The following PRKG1 variants were observed in gnomAD, a reference collection of about 807,000 sequenced individuals.
PRKG1 encodes the protein cGMP-dependent protein kinase 1.
Under a neutral mutation model 88.1 loss-of-function variants are expected in PRKG1, and 35 were observed. That is an observed-to-expected ratio of 0.40 (90% confidence interval 0.30 to 0.53). PRKG1 has a LOEUF of 0.53. Ranked by LOEUF, PRKG1 falls within the 20% of genes least tolerant of loss-of-function variation. The pLI, the probability that PRKG1 is intolerant of heterozygous loss-of-function variation, is 0.59. For synonymous variants in PRKG1, 303 were observed against 292.5 expected, an observed-to-expected ratio of 1.04 and a Z score of -0.37; for missense variants, 540 against 839.8, an observed-to-expected ratio of 0.64 and a Z score of 4.41.
chr10:52,014,036 T>C (rs1290292425), intron 5 of PRKG1, among the ~76,000 whole-genome samples: 1 of 152,068 alleles, frequency 6.6e-6, no homozygotes, highest in Non-Finnish European at 1.5e-5. Context: ...CCAGATAGAA[T>C]ACTCTGAAAT....
intron 2 of PRKG1, among the ~76,000 whole-genome samples, chr10:51,435,425 CAT>C (rs56689011): frequency 0.78 from 112,270 of 144,144 alleles, 43,226 homozygotes; most frequent in East Asian, 0.89. Context: ...ACATTACTGA[CAT>C]ATATATATAT....
chr10:51,858,421 A>ATATAATATATATATT (rs1554849497), intron 4 of PRKG1, among the ~76,000 whole-genome samples: 8 of 48,292 alleles, frequency 1.7e-4, no homozygotes, highest in South Asian at 7.1e-4. Flanking sequence ...ATATATATAT[A>ATATAATATATATATT]ATATATATAT....
intron 9 of PRKG1, among the ~76,000 whole-genome samples, chr10:52,244,849 TA>T (rs1840977911): frequency 6.4e-5 from 2 of 31,056 alleles, no homozygotes; most frequent in Non-Finnish European, 2.7e-4. Flanking sequence ...TATATTTAAA[TA>T]TTTTTATATA....
chr10:51,038,074 G>T (rs1023007619), intron 1 of PRKG1, among the ~76,000 whole-genome samples: 3 of 152,192 alleles, frequency 2.0e-5, no homozygotes, highest in African/African-American at 7.2e-5. Context: ...TTAGGAAATT[G>T]CCAGCTGACA....
At chr10:51,694,050 GTTC>G (rs1387462942) in intron 3 of PRKG1, among the ~76,000 whole-genome samples, 1 of 152,016 alleles carries the variant, frequency 6.6e-6, no homozygotes, top group East Asian at 1.9e-4. Flanking sequence ...ATATGAATTA[GTTC>G]TTAACCAGAG....
chr10:51,152,520 T>C (rs1846098428), intron 1 of PRKG1, among the ~76,000 whole-genome samples: 1 of 152,056 alleles, frequency 6.6e-6, no homozygotes, highest in Non-Finnish European at 1.5e-5. Flanking sequence ...GAAGGTAACA[T>C]TATATTCACC....
intron 3 of PRKG1, among the ~76,000 whole-genome samples, chr10:51,802,505 C>T (rs1316694572): frequency 6.6e-6 from 1 of 152,060 alleles, no homozygotes; most frequent in African/African-American, 2.4e-5. Context: ...TTTTGATGGG[C>T]ATCAGATGCT....
intron 2 of PRKG1, among the ~76,000 whole-genome samples, chr10:51,462,485 G>A (rs1055067243): frequency 2.0e-5 from 3 of 152,102 alleles, no homozygotes; most frequent in African/African-American, 7.2e-5. Context: ...GATAAACACA[G>A]AAGTAGATAT....
At chr10:51,922,014 AT>A (rs1277161005) in intron 5 of PRKG1, among the ~76,000 whole-genome samples, 2 of 151,850 alleles carry the variant, frequency 1.3e-5, no homozygotes, top group Non-Finnish European at 2.9e-5. Flanking sequence ...ATTTGGTAGA[AT>A]TTACCTGTGA....
chr10:51,781,433 C>A (rs967466797), intron 3 of PRKG1, among the ~76,000 whole-genome samples: 4 of 152,128 alleles, frequency 2.6e-5, no homozygotes, highest in Non-Finnish European at 5.9e-5. Flanking sequence ...TAGGCCTCTA[C>A]AGTTATCCCA....
rs116628881 is a variant in PRKG1, at chr10:52,113,694, T to A, written c.936-20146T>A. Among the ~76,000 whole-genome samples the A allele has an allele frequency of 8.5e-3, 1,288 of 152,224 alleles. 19 individuals are homozygous for A. The highest frequency in any genetic ancestry group is 0.029 in the African/African-American group (1,204 of 41,544). On this transcript the variant is annotated intron_variant, in intron 7 of 17. Coordinates refer to ENST00000373980, the MANE Select transcript of PRKG1 (RefSeq NM_006258.4). The stretch of plus-strand genomic sequence containing the variant: ...TGTGATTAAGAGCAAAGATGGCAAA[T>A]GATCATTGTAAGTCTCATGCTATAG...
At chr10:51,335,762 G>A (rs1408590590) in intron 2 of PRKG1, among the ~76,000 whole-genome samples, 1 of 152,162 alleles carries the variant, frequency 6.6e-6, no homozygotes. Context: ...CTTTCAGGGA[G>A]CAGCCAACTT....
At chr10:52,056,587 G>A (rs1159210102) in intron 6 of PRKG1, among the ~76,000 whole-genome samples, 6 of 152,132 alleles carry the variant, frequency 3.9e-5, no homozygotes, top group Non-Finnish European at 7.4e-5. Flanking sequence ...ATATTTCAGA[G>A]CACTCTGGGG....
intron 3 of PRKG1, among the ~76,000 whole-genome samples, chr10:51,743,725 TAATATAAACTAA>T (rs565071661): frequency 0.075 from 3,826 of 51,232 alleles, 156 homozygotes; most frequent in African/African-American, 0.091. Flanking sequence ...TATATATATA[TAATATAAACTAA>T]ATATATATAT....
intron 1 of PRKG1, among the ~76,000 whole-genome samples, chr10:50,993,100 G>A (rs765027461): frequency 1.1e-4 from 17 of 152,146 alleles, no homozygotes; most frequent in Non-Finnish European, 2.2e-4. Context: ...CCTCCTCCGT[G>A]TCTGCCTCTG....
intron 5 of PRKG1, among the ~76,000 whole-genome samples, chr10:52,033,847 G>A (rs1413388386): frequency 2.6e-5 from 4 of 151,974 alleles, no homozygotes; most frequent in South Asian, 2.1e-4. Flanking sequence ...GACTGAGTCC[G>A]AAAAGAGAGT....
chr10:51,837,959 C>T (rs1020741021), intron 4 of PRKG1, among the ~76,000 whole-genome samples: 5 of 152,102 alleles, frequency 3.3e-5, no homozygotes, highest in Non-Finnish European at 7.4e-5. Context: ...ATCCATTGTT[C>T]GTCAAGGATG....
intron 3 of PRKG1, among the ~76,000 whole-genome samples, chr10:51,655,445 C>T (rs1032780121): frequency 3.3e-5 from 5 of 151,950 alleles, no homozygotes; most frequent in Non-Finnish European, 7.4e-5. Flanking sequence ...AAAATATTTG[C>T]AATACTTAAT....
At chr10:52,244,700 TAATTAATA>T (rs1190566177) in intron 9 of PRKG1, among the ~76,000 whole-genome samples, 1 of 128,028 alleles carries the variant, frequency 7.8e-6, no homozygotes, top group East Asian at 2.6e-4. Context: ...AATATATTAA[TAATTAATA>T]AATAATACTT....
Sources: gnomAD v4.1 joint callset for allele counts (sites outside exome capture counted in the v4.1 genomes callset) on GRCh38, gnomAD v4.1.1 for gene constraint, MANE v1.5 for transcripts, NCBI Gene and HGNC (gene_info 2026-07-23, HGNC 2026-07-21) for gene names.